Variants in GRIK1 observed in about 807,000 individuals in gnomAD.
GRIK1 encodes the protein glutamate ionotropic receptor kainate type subunit 1.
Under a neutral mutation model 105.7 loss-of-function variants are expected in GRIK1, and 69 were observed. The ratio of observed to expected loss-of-function variants is 0.65; its 90% CI spans 0.54 to 0.80. The LOEUF is 0.80. GRIK1 is among the 30% of genes least tolerant of loss of function. GRIK1 has a pLI of 0.00. For synonymous variants in GRIK1, 438 were observed against 431.3 expected (o/e 1.02, Z -0.19); for missense variants, 1,109 against 1,167.3 (o/e 0.95, Z 0.73).
At chr21:29,846,319 C>A (rs563031257) in intron 1 of GRIK1, among the ~76,000 whole-genome samples, 1 of 139,696 alleles carries the variant, frequency 7.2e-6, no homozygotes, top group African/African-American at 2.7e-5. Flanking sequence ...AGCCGGGAGG[C>A]GGAGGTTGCA....
chr21:29,916,326 C>T (rs1045149536), intron 1 of GRIK1, among the ~76,000 whole-genome samples: 4 of 151,794 alleles, frequency 2.6e-5, no homozygotes, highest in African/African-American at 7.3e-5. Flanking sequence ...TAAAAGATAG[C>T]TTATTTTTGT....
At chr21:29,605,913 C>A in intron 7 of GRIK1, among the ~76,000 whole-genome samples, 1 of 150,868 alleles carries the variant, frequency 6.6e-6, no homozygotes, top group Admixed American at 6.6e-5. Context: ...AGGCTCATGG[C>A]AAACTCAAGG....
At chr21:29,543,172 T>C (rs987728264) in intron 16 of GRIK1, among the ~76,000 whole-genome samples, 7 of 152,192 alleles carry the variant, frequency 4.6e-5, no homozygotes, top group Non-Finnish European at 1.0e-4. Context: ...TCAATGATTA[T>C]ATTTTTTAAA....
chr21:29,919,735 T>C (rs1348839053), intron 1 of GRIK1, among the ~76,000 whole-genome samples: 3 of 152,190 alleles, frequency 2.0e-5, no homozygotes, highest in Non-Finnish European at 4.4e-5. Context: ...AAATGACTTC[T>C]GTACTTTTAC....
chr21:29,560,965 A>G (rs751361351), intron 15 of GRIK1, among the ~76,000 whole-genome samples: 29 of 152,140 alleles, frequency 1.9e-4, no homozygotes, highest in Non-Finnish European at 4.0e-4. Context: ...GGAAATCACT[A>G]ATTACCCCTT....
chr21:29,802,729 C>G (rs970236922), intron 1 of GRIK1, among the ~76,000 whole-genome samples: 3 of 152,202 alleles, frequency 2.0e-5, no homozygotes, highest in Admixed American at 1.3e-4. Context: ...CCTTGACTAT[C>G]CATCATCTGC....
chr21:29,710,174 T>C (rs926922559), intron 1 of GRIK1, among the ~76,000 whole-genome samples: 2 of 152,092 alleles, frequency 1.3e-5, no homozygotes, highest in African/African-American at 4.8e-5. Flanking sequence ...TTATTTCATA[T>C]GAATACTATT....
At chr21:29,593,086 A>G (rs73348585) in intron 9 of GRIK1, among the ~76,000 whole-genome samples, 2,643 of 152,330 alleles carry the variant, frequency 0.017, 75 homozygotes, top group African/African-American at 0.061. Context: ...ATGCTTTGAA[A>G]AAGTTTCAAG....
intron 7 of GRIK1, among the ~76,000 whole-genome samples, chr21:29,642,149 G>A (rs928128556): frequency 6.6e-6 from 1 of 152,188 alleles, no homozygotes; most frequent in African/African-American, 2.4e-5. Context: ...ATCATGCAGT[G>A]TACATATCGA....
intron 1 of GRIK1, among the ~76,000 whole-genome samples, chr21:29,781,627 G>A (rs1317756353): frequency 9.6e-6 from 1 of 103,864 alleles, no homozygotes; most frequent in African/African-American, 3.5e-5. Context: ...CACTATCCCT[G>A]TTCTTACATG....
chr21:29,838,525 G>A (rs990587957), intron 1 of GRIK1, among the ~76,000 whole-genome samples: 1 of 152,116 alleles, frequency 6.6e-6, no homozygotes, highest in African/African-American at 2.4e-5. Context: ...GCTGCTCTCC[G>A]GGAGTTCTGG....
intron 7 of GRIK1, among the ~76,000 whole-genome samples, chr21:29,617,469 A>C (rs2061879796): frequency 6.6e-6 from 1 of 152,196 alleles, no homozygotes; most frequent in African/African-American, 2.4e-5. Context: ...ACAATCAAAA[A>C]GTTAATAAAG....
At chr21:29,744,667 T>A (rs960037067) in intron 1 of GRIK1, among the ~76,000 whole-genome samples, 5 of 152,076 alleles carry the variant, frequency 3.3e-5, no homozygotes, top group African/African-American at 1.2e-4. Context: ...TCACTTGTTC[T>A]GAAAATTTGG....
chr21:29,674,536 G>A (rs998904578), intron 3 of GRIK1, among the ~76,000 whole-genome samples: 1 of 152,058 alleles, frequency 6.6e-6, no homozygotes, highest in African/African-American at 2.4e-5. Context: ...CATGTGTCGG[G>A]GGGGAACTTG....
intron 7 of GRIK1, among the ~76,000 whole-genome samples, chr21:29,605,159 A>T (rs771271346): frequency 2.0e-5 from 3 of 152,132 alleles, no homozygotes; most frequent in Non-Finnish European, 4.4e-5. Flanking sequence ...AGATCATCCC[A>T]TCGCCTAAGT....
chr21:29,920,475 AC>A (rs2146323085), intron 1 of GRIK1, among the ~76,000 whole-genome samples: 1 of 152,140 alleles, frequency 6.6e-6, no homozygotes, highest in East Asian at 1.9e-4. Flanking sequence ...CAAACTTCTT[AC>A]CCTGCAAAAG....
rs148870808 is a variant in GRIK1 at position 29,856,777 on chromosome 21, G to A, written c.118+82606C>T. ...GAGTGATAGGATGCAGAGTGCCTGA[G>A]AGAGGCAGGTAGCTTACAGAAATCT... On this transcript the variant is annotated intron_variant, in intron 1 of 17. Transcript: ENST00000327783. Among the ~76,000 whole-genome samples, 124 of 152,306 alleles carry A rather than the reference G, an allele frequency of 8.1e-4. 1 individual carries two copies. Among genetic ancestry groups the A allele is most frequent in the African/African-American group, 3.0e-3 (123 of 41,560 alleles).
chr21:29,574,736 G>A, intron 14 of GRIK1, among the ~76,000 whole-genome samples: 1 of 149,632 alleles, frequency 6.7e-6, no homozygotes, highest in East Asian at 1.9e-4. Flanking sequence ...GGCCCAGGCG[G>A]GAGTGCAGTG....
At chr21:29,663,516 G>A (rs2063006343) in intron 4 of GRIK1, among the ~76,000 whole-genome samples, 1 of 152,124 alleles carries the variant, frequency 6.6e-6, no homozygotes. Context: ...GACATCCCTG[G>A]AGATATTAGA....
Sources: gnomAD v4.1 joint callset for allele counts (sites outside exome capture counted in the v4.1 genomes callset) on GRCh38, gnomAD v4.1.1 for gene constraint, MANE v1.5 for transcripts, NCBI Gene and HGNC (gene_info 2026-07-23, HGNC 2026-07-21) for gene names.